Variants in EPHA7 observed in about 807,000 individuals in gnomAD.
The protein encoded by EPHA7 is ephrin type-A receptor 7.
In EPHA7, 25 loss-of-function variants were observed where a neutral mutation model predicts 112.6. That is an observed-to-expected ratio of 0.22 (90% CI 0.16 to 0.31). The LOEUF (loss-of-function observed/expected upper bound fraction) is 0.31, where lower values mean the gene tolerates loss of function less well. Ranked by LOEUF, EPHA7 falls within the 10% of genes least tolerant of loss-of-function variation. The pLI is 1.00. For missense variants in EPHA7, 962 were observed against 1,212.6 expected, an observed-to-expected ratio of 0.79 and a Z score of 3.07; for synonymous variants, 437 against 406.5, an observed-to-expected ratio of 1.07 and a Z score of -0.90.
intron 3 of EPHA7, among the ~76,000 whole-genome samples, chr6:93,392,564 GA>G (rs1390141045): frequency 6.6e-6 from 1 of 151,718 alleles, no homozygotes; most frequent in Non-Finnish European, 1.5e-5. Context: ...TTTTTAAACA[GA>G]AAAAAATAAA....
At chr6:93,380,540 A>C (rs1777286344) in intron 3 of EPHA7, among the ~76,000 whole-genome samples, 1 of 152,142 alleles carries the variant, frequency 6.6e-6, no homozygotes, top group Non-Finnish European at 1.5e-5. Flanking sequence ...TGAGAATATC[A>C]GTTTTTACAC....
Position 93,414,786 on chromosome 6 carries a change from T to C in EPHA7, c.98-19A>G, listed in dbSNP as rs780618004. ...AGTAGTACTGAAAAAGAAAGTTGTA[T>C]TTCCATATGTTACATGAAACACTTA... is the stretch of plus-strand genomic sequence containing the variant. On this transcript the variant is annotated intron_variant, in intron 1 of 16. Coordinates refer to ENST00000369303, the MANE Select transcript of EPHA7 (RefSeq NM_004440.4). 2 of 1,604,840 alleles carry C rather than the reference T, an allele frequency of 1.2e-6. No individual in the cohort carries two copies. The highest frequency in any genetic ancestry group is 3.3e-5 in the Admixed American group (2 of 59,760).
intron 1 of EPHA7, 73 bp downstream of exon 1, chr6:93,419,172 G>A (rs963298792): frequency 7.9e-7 from 1 of 1,267,650 alleles, no homozygotes; most frequent in East Asian, 2.7e-5. Context: ...GCAGCGCCGC[G>A]GACGAGCTGG....
chr6:93,308,253 G>C (rs759844120), intron 5 of EPHA7, among the ~76,000 whole-genome samples: 1 of 152,082 alleles, frequency 6.6e-6, no homozygotes, highest in Non-Finnish European at 1.5e-5. Flanking sequence ...GGGATACTAG[G>C]ATTTTTTCTC....
At chr6:93,392,832 T>C (rs1204517184) in intron 3 of EPHA7, among the ~76,000 whole-genome samples, 1 of 151,882 alleles carries the variant, frequency 6.6e-6, no homozygotes, top group Non-Finnish European at 1.5e-5. Context: ...GATATATTTT[T>C]CAGACAAGGA....
At chr6:93,312,496 G>A (rs1773592273) in intron 5 of EPHA7, among the ~76,000 whole-genome samples, 1 of 151,996 alleles carries the variant, frequency 6.6e-6, no homozygotes, top group Admixed American at 6.6e-5. Context: ...TTAACTTGAA[G>A]AGACCTATGC....
At chr6:93,371,283 C>T (rs1486491447) in intron 3 of EPHA7, among the ~76,000 whole-genome samples, 1 of 151,612 alleles carries the variant, frequency 6.6e-6, no homozygotes, top group African/African-American at 2.4e-5. Context: ...AAAAATAATG[C>T]AACAATACAA....
At chr6:93,329,381 A>T (rs969982108) in intron 5 of EPHA7, among the ~76,000 whole-genome samples, 1 of 151,466 alleles carries the variant, frequency 6.6e-6, no homozygotes, top group African/African-American at 2.4e-5. Flanking sequence ...TTAGTATATA[A>T]GCCAGATTAT....
At chr6:93,267,312 C>T (rs1451162650) in intron 7 of EPHA7, among the ~76,000 whole-genome samples, 1 of 151,646 alleles carries the variant, frequency 6.6e-6, no homozygotes, top group African/African-American at 2.4e-5. Flanking sequence ...GTATATTTAA[C>T]TTAAACCTCA....
chr6:93,307,507 TAGAC>T (rs1430216637), intron 5 of EPHA7, among the ~76,000 whole-genome samples: 1 of 152,032 alleles, frequency 6.6e-6, no homozygotes, highest in Non-Finnish European at 1.5e-5. Context: ...CTTCCCAAAA[TAGAC>T]AGATTCTAAG....
intron 5 of EPHA7, among the ~76,000 whole-genome samples, chr6:93,310,661 C>CAA (rs777397436): frequency 6.0e-5 from 6 of 99,968 alleles, no homozygotes; most frequent in East Asian, 2.9e-4. Context: ...GACTCCGTCT[C>CAA]AAAAAAAAAA....
chr6:93,335,581 T>C (rs1774825877), intron 5 of EPHA7, among the ~76,000 whole-genome samples: 2 of 152,038 alleles, frequency 1.3e-5, no homozygotes, highest in African/African-American at 4.8e-5. Context: ...AGAATAGTAG[T>C]GGGAAAATAG....
Position 93,240,030 on chromosome 6 carries a change from A to G in EPHA7, c.*3396T>C, listed in dbSNP as rs1769624942. The G allele has an allele frequency of 4.7e-6, 1 of 211,558 alleles. No homozygotes were observed. The highest frequency in any genetic ancestry group is 9.6e-6 in the Non-Finnish European group (1 of 104,274). The allele number at this position is 211,558 out of a possible 1,614,324, so 13.1% of individuals were successfully genotyped here. On this transcript the variant is annotated 3_prime_UTR_variant, in exon 17 of 17. Coordinates refer to ENST00000369303, the MANE Select transcript of EPHA7 (RefSeq NM_004440.4). ...TGATTGGAGACAGGATTTTCTTTAC[A>G]TTGTCTAATAGACTTGTTTATTATT...
intron 5 of EPHA7, among the ~76,000 whole-genome samples, chr6:93,297,471 G>A (rs1772730640): frequency 6.6e-6 from 1 of 152,078 alleles, no homozygotes; most frequent in Non-Finnish European, 1.5e-5. Flanking sequence ...CATTTCATAA[G>A]AATAAGTTTT....
At chr6:93,245,899 C>G (rs1769924510) in intron 15 of EPHA7, among the ~76,000 whole-genome samples, 1 of 152,186 alleles carries the variant, frequency 6.6e-6, no homozygotes, top group South Asian at 2.1e-4. Context: ...AGGTGCCTAA[C>G]TTACTACCAA....
intron 5 of EPHA7, among the ~76,000 whole-genome samples, chr6:93,312,213 A>C (rs2127866935): frequency 6.6e-6 from 1 of 152,268 alleles, no homozygotes; most frequent in African/African-American, 2.4e-5. Flanking sequence ...CCAGACATTG[A>C]CTTCTCCTTT....
At chr6:93,375,095 A>G (rs1046256053) in intron 3 of EPHA7, among the ~76,000 whole-genome samples, 1 of 152,150 alleles carries the variant, frequency 6.6e-6, no homozygotes, top group Non-Finnish European at 1.5e-5. Flanking sequence ...AACAATGTAT[A>G]CTGGATCCTT....
chr6:93,291,012 T>G (rs1772330944), intron 5 of EPHA7, among the ~76,000 whole-genome samples: 1 of 152,218 alleles, frequency 6.6e-6, no homozygotes, highest in Non-Finnish European at 1.5e-5. Flanking sequence ...CTGTAGATGT[T>G]CACTTACTAT....
At chr6:93,416,337 A>G (rs894809262) in intron 1 of EPHA7, among the ~76,000 whole-genome samples, 4 of 151,992 alleles carry the variant, frequency 2.6e-5, no homozygotes, top group Non-Finnish European at 5.9e-5. Flanking sequence ...TTTTTATTTT[A>G]TTTTTCTTGT....
Sources: allele counts gnomAD v4.1 joint callset (sites outside exome capture counted in the v4.1 genomes callset), GRCh38; gene constraint gnomAD v4.1.1; transcripts MANE v1.5; gene names NCBI Gene and HGNC (gene_info 2026-07-23, HGNC 2026-07-21).